Variants in CAPN1 observed in about 807,000 individuals in gnomAD.
CAPN1 encodes the protein calpain 1.
A neutral mutation model predicts 105.2 loss-of-function variants in CAPN1; 77 were observed. The ratio of observed to expected loss-of-function variants is 0.73; its 90% CI spans 0.61 to 0.88. The LOEUF is 0.88. CAPN1 is among the 40% of genes least tolerant of loss of function. The pLI is 0.00. For synonymous variants in CAPN1, 355 were observed against 388.8 expected (o/e 0.91, Z 1.02); for missense variants, 833 against 976.6 (o/e 0.85, Z 1.96).
chr11:65,188,862 T>C lies in CAPN1; in HGVS notation c.1165+116T>C. The C allele has an allele frequency of 1.1e-6, 1 of 898,754 alleles. No individual in the cohort carries two copies. Among genetic ancestry groups the C allele is most frequent in the Non-Finnish European group, 1.7e-6 (1 of 602,078 alleles). 55.7% of individuals were successfully genotyped at this position (898,754 alleles called of 1,614,324 possible). A position where few individuals can be genotyped will look rare whatever the true frequency, so the allele number is the denominator to read the frequency against. On this transcript the variant is annotated intron_variant, in intron 10 of 21. Transcript: ENST00000279247. The surrounding 1 kb of genome is among the most constrained non-coding windows in gnomAD (Gnocchi z 5.5). Reference sequence around the variant, plus strand: ...GCAAGATATAGGCTGATCTCTTGAATTTGCTTTGAGGAGTAAAATATTAAA... The same window carrying C: ...GCAAGATATAGGCTGATCTCTTGAACTTGCTTTGAGGAGTAAAATATTAAA...
rs752810522 is a variant in CAPN1, at chr11:65,188,566, CTG to C, written c.1005-16_1005-15del. 272 of 1,613,822 alleles carry C rather than the reference CTG, an allele frequency of 1.7e-4. 4 individuals are homozygous for C. The South Asian group carries it at 2.9e-3, about 17-fold the overall frequency. ...TGTGCCCTGACGGGCTGTGCCTCAC[CTG>C]TGTACCTCCCACCTCAGGATGTCAT... On this transcript the variant is annotated intron_variant, in intron 9 of 21. Transcript: ENST00000279247. This position sits in a 1 kb window ranked among gnomAD's most constrained non-coding sequence, Gnocchi z 5.5.
At position 65,183,567 on chromosome 11, in the gene CAPN1, G is replaced by A. The variant is rs1054747241; in HGVS notation, c.431G>A (p.Gly144Asp). The A allele has an allele frequency of 1.9e-6, 3 of 1,613,486 alleles. No individual in the cohort carries two copies. The African/African-American group carries it at 4.0e-5, about 22-fold the overall frequency. ...VVPHGQSFQN[G>D]YAGIFHFQLW... Reference sequence around the variant, plus strand: ...CCGCACGGCCAGAGCTTCCAGAATGGCTATGCCGGCATCTTCCATTTCCAG... The same window carrying A: ...CCGCACGGCCAGAGCTTCCAGAATGACTATGCCGGCATCTTCCATTTCCAG... The change falls in exon 4 of 22, where the codon GGC (glycine) becomes GAC (aspartate). Residue 144 changes from glycine (G) to aspartate (D), a missense_variant. Gly to Asp is a moderately conservative substitution (Grantham distance 94, BLOSUM62 -1). Transcript: ENST00000279247.
At chr11:65,202,419 C>T (rs1038124305) in intron 10 of CAPN1, among the ~76,000 whole-genome samples, 16 of 151,184 alleles carry the variant, frequency 1.1e-4, no homozygotes, top group Admixed American at 1.1e-3. Context: ...AAGTATATTA[C>T]GATTTTATTT....
intron 10 of CAPN1, among the ~76,000 whole-genome samples, chr11:65,189,833 C>T (rs1351950425): frequency 1.3e-5 from 2 of 152,204 alleles, no homozygotes; most frequent in African/African-American, 4.8e-5. Flanking sequence ...AATTCCACTA[C>T]TGGTTAGTAA....
At chr11:65,198,034 C>T (rs1285943173) in intron 10 of CAPN1, among the ~76,000 whole-genome samples, 1 of 151,890 alleles carries the variant, frequency 6.6e-6, no homozygotes, top group Non-Finnish European at 1.5e-5. Context: ...TCCTGTCATG[C>T]TGCCTTTTGT....
At chr11:65,199,883 G>T (rs1948842581) in intron 10 of CAPN1, among the ~76,000 whole-genome samples, 2 of 152,138 alleles carry the variant, frequency 1.3e-5, no homozygotes, top group South Asian at 4.1e-4. Flanking sequence ...AAGTCTTAGT[G>T]GTCAGTTTTT....
chr11:65,193,622 G>A (rs1313398011), intron 10 of CAPN1, among the ~76,000 whole-genome samples: 2 of 123,300 alleles, frequency 1.6e-5, no homozygotes, highest in Non-Finnish European at 3.3e-5. Flanking sequence ...TCCAGCCCGG[G>A]CAATAGAGCG....
At chr11:65,183,922 G>C (rs1948592242) in intron 4 of CAPN1, among the ~76,000 whole-genome samples, 1 of 152,166 alleles carries the variant, frequency 6.6e-6, no homozygotes, top group Admixed American at 6.5e-5. Flanking sequence ...GTGTTCGCTG[G>C]GGAAAACAGA....
At chr11:65,194,774 G>C (rs1299701561) in intron 10 of CAPN1, among the ~76,000 whole-genome samples, 1 of 151,730 alleles carries the variant, frequency 6.6e-6, no homozygotes, top group Non-Finnish European at 1.5e-5. Flanking sequence ...TCATTCATCA[G>C]TTGATGGACA....
Position 65,210,108 on chromosome 11 carries a change from A to G in CAPN1, c.1942+12A>G, listed in dbSNP as rs777546138. The stretch of plus-strand genomic sequence containing the variant: ...CATTGAGTCGGCAGGTGAGACTCCA[A>G]GGCTGACGGCACCTGTGGGGCCCAG... On this transcript the variant is annotated intron_variant, in intron 19 of 21. Coordinates refer to ENST00000279247, the MANE Select transcript of CAPN1 (RefSeq NM_005186.4). This position sits in a 1 kb window ranked among gnomAD's most constrained non-coding sequence, Gnocchi z 4.3. The G allele has an allele frequency of 6.2e-7, 1 of 1,607,532 alleles. No individual in the cohort carries two copies. Among genetic ancestry groups the G allele is most frequent in the South Asian group, 1.1e-5 (1 of 90,940 alleles).
intron 14 of CAPN1, 81 bp downstream of exon 14, chr11:65,206,900 C>T: frequency 7.6e-7 from 1 of 1,324,260 alleles, no homozygotes. Context: ...GGTGTCCTGT[C>T]CCCTGAGTTC....
chr11:65,204,979 T>C, intron 11 of CAPN1, 121 bp downstream of exon 11: 2 of 740,084 alleles, frequency 2.7e-6, no homozygotes, highest in South Asian at 1.8e-5. Flanking sequence ...CCCCACAAAT[T>C]CCCCTCCACT....
chr11:65,210,083 C>T lies in CAPN1; in HGVS notation c.1929C>T (p.Ala643=). The change falls in exon 19 of 22, where the codon GCC becomes GCT. Residue 643 remains alanine (A), a synonymous_variant. Transcript: ENST00000279247. The surrounding 1 kb of genome is among the most constrained non-coding windows in gnomAD (Gnocchi z 4.3). The part of the protein sequence containing the change: ...GSMSAYEMRM[A]IESAGFKLNK... ...TGAGTGCCTACGAGATGCGGATGGC[C>T]ATTGAGTCGGCAGGTGAGACTCCAA... The T allele has an allele frequency of 6.2e-7, 1 of 1,612,586 alleles. No homozygotes were observed. The highest frequency in any genetic ancestry group is 8.5e-7 in the Non-Finnish European group (1 of 1,179,670).
At chr11:65,202,422 T>TTTTA (rs202170018) in intron 10 of CAPN1, among the ~76,000 whole-genome samples, 4,048 of 151,960 alleles carry the variant, frequency 0.027, 168 homozygotes, top group African/African-American at 0.091. Context: ...TATATTACGA[T>TTTTA]TTTATTTATT....
rs564968684 is a variant in CAPN1, at chr11:65,187,379, G to T, written c.843+81G>T. 1.1e-5 allele frequency: 10 copies of T among 939,298 alleles called. No individual in the cohort carries two copies. The South Asian group carries it at 1.4e-4, about 13-fold the overall frequency. 58.2% of individuals were successfully genotyped at this position (939,298 alleles called of 1,614,324 possible). A position where few individuals can be genotyped will look rare whatever the true frequency, so the allele number is the denominator to read the frequency against. ...CTTGCCTCTCTGGCACCTGACCAGG[G>T]CTGTGGAAGGTGCTGGCTCCTCCTT... is the stretch of plus-strand genomic sequence containing the variant. On this transcript the variant is annotated intron_variant, in intron 7 of 21. Coordinates refer to ENST00000279247, the MANE Select transcript of CAPN1 (RefSeq NM_005186.4).
intron 12 of CAPN1, 62 bp downstream of exon 12, chr11:65,205,783 A>G (rs2137385830): frequency 2.6e-6 from 4 of 1,521,680 alleles, no homozygotes; most frequent in Non-Finnish European, 3.6e-6. Flanking sequence ...GAGGGGAGCA[A>G]CCCAGTGGCA....
At chr11:65,207,343 G>A (rs1433238961) in intron 14 of CAPN1, among the ~76,000 whole-genome samples, 2 of 151,762 alleles carry the variant, frequency 1.3e-5, no homozygotes, top group Non-Finnish European at 2.9e-5. Flanking sequence ...GGGATTACAG[G>A]CGCACGTTAC....
At chr11:65,211,020 G>A (rs1409228603) in intron 21 of CAPN1, 148 bp downstream of exon 21, 1 of 793,466 alleles carries the variant, frequency 1.3e-6, no homozygotes, top group Non-Finnish European at 2.1e-6. Context: ...CTGAAAGGCT[G>A]GGGTGGGGGT....
At position 65,205,713 on chromosome 11, in the gene CAPN1, C is replaced by T. The variant is rs1948946438; in HGVS notation, c.1345C>T (p.Pro449Ser). 1 of 1,613,632 alleles carries T rather than the reference C, an allele frequency of 6.2e-7. No individual in the cohort carries two copies. The highest frequency in any genetic ancestry group is 8.5e-7 in the Non-Finnish European group (1 of 1,179,668). ...TTCCCCTGTCTCTCTATTGCAGGTC[C>T]CTCCGGAGGTAGGTGTGGCACCATG... ...ETIGFAVYEV[P>S]PELVGQPAVH... Residue 449 changes from proline to serine, a missense_variant, in exon 12 of 22, where the codon CCT becomes TCT. By Grantham distance (74) the Pro-to-Ser change is moderately conservative. Transcript: ENST00000279247.
Sources: allele counts gnomAD v4.1 joint callset (sites outside exome capture counted in the v4.1 genomes callset), GRCh38; gene constraint gnomAD v4.1.1; non-coding constraint Gnocchi (gnomAD v3.1); transcripts MANE v1.5; gene names NCBI Gene and HGNC (gene_info 2026-07-23, HGNC 2026-07-21).